Variants in PCDH15 observed in about 807,000 individuals in gnomAD.
The protein encoded by PCDH15 is protocadherin related 15.
In PCDH15, 129 loss-of-function variants were observed where a neutral mutation model predicts 178.5. The observed-to-expected ratio is 0.72, with a 90% CI of 0.63 to 0.84. PCDH15 has a LOEUF of 0.84. Among genes scored for constraint, PCDH15 ranks in the 40% least tolerant of loss-of-function variants. The pLI is 0.00. For missense variants in PCDH15, 2,230 were observed against 2,099.9 expected, an observed-to-expected ratio of 1.06 and a Z score of -1.21; for synonymous variants, 800 against 732.0, an observed-to-expected ratio of 1.09 and a Z score of -1.50.
intron 2 of PCDH15, among the ~76,000 whole-genome samples, chr10:54,611,884 AT>A (rs1240044541): frequency 6.6e-6 from 1 of 151,862 alleles, no homozygotes; most frequent in African/African-American, 2.4e-5. Flanking sequence ...CAAAAAACAA[AT>A]TGTATGATTG....
At chr10:54,270,676 T>C (rs1424237657) in intron 8 of PCDH15, among the ~76,000 whole-genome samples, 1 of 152,152 alleles carries the variant, frequency 6.6e-6, no homozygotes, top group African/African-American at 2.4e-5. Flanking sequence ...TAATAAAATA[T>C]TACATTCTAG....
chr10:55,031,258 G>T (rs1305325809), intron 2 of PCDH15, among the ~76,000 whole-genome samples: 1 of 152,116 alleles, frequency 6.6e-6, no homozygotes, highest in Non-Finnish European at 1.5e-5. Context: ...AGTGTTTAAA[G>T]ATTTAATAAA....
intron 2 of PCDH15, among the ~76,000 whole-genome samples, chr10:54,652,388 T>C (rs1488721507): frequency 6.6e-6 from 1 of 152,146 alleles, no homozygotes; most frequent in Admixed American, 6.5e-5. Context: ...AGCTCAGTCC[T>C]CCACAGCAGG....
intron 1 of PCDH15, among the ~76,000 whole-genome samples, chr10:54,678,462 T>G (rs1009731748): frequency 1.3e-5 from 2 of 152,170 alleles, no homozygotes; most frequent in South Asian, 2.1e-4. Context: ...TTATTTTTTA[T>G]TTTTTGGTGA....
chr10:54,139,862 T>G (rs919013740), intron 14 of PCDH15, among the ~76,000 whole-genome samples: 5 of 152,030 alleles, frequency 3.3e-5, no homozygotes, highest in Non-Finnish European at 7.4e-5. Context: ...ATAACAATTT[T>G]TATAAGAAAA....
chr10:54,235,062 C>G (rs2054486159), intron 9 of PCDH15, among the ~76,000 whole-genome samples: 1 of 152,148 alleles, frequency 6.6e-6, no homozygotes, highest in Non-Finnish European at 1.5e-5. Flanking sequence ...TAGAACTCTT[C>G]CCGGAGATAT....
At chr10:55,204,371 C>T (rs542604892) in intron 1 of PCDH15, among the ~76,000 whole-genome samples, 72 of 150,770 alleles carry the variant, frequency 4.8e-4, no homozygotes, top group African/African-American at 9.0e-4. Context: ...TACATATGTA[C>T]GTGTATATAT....
chr10:54,771,514 T>A (rs1949091788), intron 1 of PCDH15, among the ~76,000 whole-genome samples: 1 of 152,100 alleles, frequency 6.6e-6, no homozygotes, highest in Non-Finnish European at 1.5e-5. Context: ...CAGTCAGAAT[T>A]GAGTGATGAA....
intron 3 of PCDH15, among the ~76,000 whole-genome samples, chr10:54,470,384 G>A (rs2077825403): frequency 6.6e-6 from 1 of 152,180 alleles, no homozygotes; most frequent in Admixed American, 6.5e-5. Flanking sequence ...GTAGCCACCA[G>A]TGGTGCCTGG....
At chr10:54,179,315 A>T (rs2047746897) in intron 13 of PCDH15, among the ~76,000 whole-genome samples, 1 of 151,676 alleles carries the variant, frequency 6.6e-6, no homozygotes, top group Non-Finnish European at 1.5e-5. Context: ...AAACTATCAC[A>T]AGGACAAAAA....
At chr10:55,001,828 A>G (rs1465477086) in intron 2 of PCDH15, among the ~76,000 whole-genome samples, 2 of 152,230 alleles carry the variant, frequency 1.3e-5, no homozygotes, top group East Asian at 1.9e-4. Flanking sequence ...CTGGCTGGAA[A>G]AGCAACCCCC....
intron 28 of PCDH15, among the ~76,000 whole-genome samples, chr10:53,855,793 A>ATT (rs1294804359): frequency 6.6e-6 from 1 of 151,332 alleles, no homozygotes; most frequent in African/African-American, 2.4e-5. Flanking sequence ...AAACCTAGAC[A>ATT]ACGGGTTGAT....
intron 2 of PCDH15, among the ~76,000 whole-genome samples, chr10:54,650,245 G>A (rs2094226572): frequency 6.6e-6 from 1 of 152,010 alleles, no homozygotes; most frequent in Admixed American, 6.6e-5. Flanking sequence ...ACAGCATGTG[G>A]CTATCGCATT....
intron 2 of PCDH15, among the ~76,000 whole-genome samples, chr10:55,117,558 CAG>C (rs2132062483): frequency 6.6e-6 from 1 of 152,276 alleles, no homozygotes; most frequent in African/African-American, 2.4e-5. Flanking sequence ...TGCTTTCTGA[CAG>C]TGTCCCCATT....
intron 28 of PCDH15, among the ~76,000 whole-genome samples, chr10:53,848,054 T>C (rs1332538889): frequency 6.6e-6 from 1 of 152,016 alleles, no homozygotes; most frequent in African/African-American, 2.4e-5. Context: ...AAAACAGCAG[T>C]ACAGACTGCG....
intron 18 of PCDH15, among the ~76,000 whole-genome samples, chr10:54,058,786 T>G (rs2135719698): frequency 6.6e-6 from 1 of 152,006 alleles, no homozygotes; most frequent in South Asian, 2.1e-4. Flanking sequence ...CTCTGCCTCC[T>G]GGGTTCAAGC....
intron 3 of PCDH15, among the ~76,000 whole-genome samples, chr10:54,897,122 C>A (rs1954559507): frequency 6.6e-6 from 1 of 152,192 alleles, no homozygotes; most frequent in African/African-American, 2.4e-5. Flanking sequence ...TGAATTGCTG[C>A]ATGACAGTTG....
intron 1 of PCDH15, among the ~76,000 whole-genome samples, chr10:55,231,185 G>A (rs150523139): frequency 4.6e-5 from 7 of 151,980 alleles, no homozygotes; most frequent in African/African-American, 1.2e-4. Context: ...TTTATTGGTC[G>A]CAAGCAACAA....
chr10:54,054,276 C>T (rs2093837010), intron 18 of PCDH15, among the ~76,000 whole-genome samples: 1 of 151,966 alleles, frequency 6.6e-6, no homozygotes, highest in Non-Finnish European at 1.5e-5. Context: ...AAAAGGAATA[C>T]ATAGAGTCAA....
Sources: allele counts gnomAD v4.1 joint callset (sites outside exome capture counted in the v4.1 genomes callset), GRCh38; gene constraint gnomAD v4.1.1; transcripts MANE v1.5; gene names NCBI Gene and HGNC (gene_info 2026-07-23, HGNC 2026-07-21).